The following PFAS variants were observed in gnomAD, a reference collection of about 807,000 sequenced individuals.
PFAS encodes the protein FGAM synthase.
PFAS carries 97 observed loss-of-function variants against 140.6 expected under a neutral mutation model. The ratio of observed to expected loss-of-function variants is 0.69; its 90% CI spans 0.59 to 0.82. PFAS has a LOEUF of 0.82. PFAS is among the 40% of genes least tolerant of loss of function. The probability of loss-of-function intolerance (pLI) is 0.00; values close to 1 mark genes in which losing one functional copy is unlikely to be tolerated. For missense variants in PFAS, 1,656 were observed against 1,780.2 expected, an observed-to-expected ratio of 0.93 and a Z score of 1.26; for synonymous variants, 679 against 718.8, an observed-to-expected ratio of 0.94 and a Z score of 0.88.
At chr17:8,253,481 G>A (rs183097027) in intron 1 of PFAS, among the ~76,000 whole-genome samples, 6 of 152,204 alleles carry the variant, frequency 3.9e-5, no homozygotes, top group South Asian at 2.1e-4. Context: ...CCATAACGCC[G>A]CAATTTTCCT....
Position 8,263,085 on chromosome 17 carries a change from GAGCTATGCCATAT to G in PFAS, c.1411-22_1411-10del, listed in dbSNP as rs1989660276. The stretch of plus-strand genomic sequence containing the variant: ...TAGGAGCTTCCAGTCTCGCTGAGCT[GAGCTATGCCATAT>G]ATGCCCCCAGGTGCAGGGAGATAAC... On this transcript the variant is annotated splice_polypyrimidine_tract_variant and intron_variant, in intron 12 of 27. Coordinates refer to ENST00000314666, the MANE Select transcript of PFAS (RefSeq NM_012393.3). The G allele has an allele frequency of 1.9e-6, 3 of 1,613,486 alleles. No homozygotes were observed. Among genetic ancestry groups the G allele is most frequent in the African/African-American group, 1.3e-5 (1 of 74,932 alleles).
Position 8,267,852 on chromosome 17 carries a change from GTA to G in PFAS, c.3382+196_3382+197del, listed in dbSNP as rs1001727047. On this transcript the variant is annotated intron_variant, in intron 26 of 27. Coordinates refer to ENST00000314666, the MANE Select transcript of PFAS (RefSeq NM_012393.3). The surrounding 1 kb of genome is among the most constrained non-coding windows in gnomAD (Gnocchi z 4.9). The stretch of plus-strand genomic sequence containing the variant: ...TTTTTAATTTTTTCATTGAAAAAAA[GTA>G]TATATATACACATATGTAATTAAAA... 2.7e-5 allele frequency among the ~76,000 whole-genome samples: 4 copies of G among 146,282 alleles called. No individual in the cohort carries two copies. Among genetic ancestry groups the G allele is most frequent in the Middle Eastern group, 3.6e-3 (1 of 280 alleles).
At chr17:8,256,026 C>T in intron 6 of PFAS, 116 bp downstream of exon 6, 2 of 869,932 alleles carry the variant, frequency 2.3e-6, no homozygotes, top group Non-Finnish European at 3.6e-6. Context: ...CTCTGAGGGC[C>T]TGGGCTCCCG....
intron 1 of PFAS, among the ~76,000 whole-genome samples, chr17:8,253,402 A>G (rs959529814): frequency 3.3e-5 from 5 of 152,074 alleles, no homozygotes; most frequent in Non-Finnish European, 5.9e-5. Flanking sequence ...ATTCCTTAAA[A>G]TCTCCAAGGT....
At chr17:8,256,472 G>T (rs1989369891) in intron 7 of PFAS, 52 bp from the exon 8 acceptor site, 2 of 1,613,852 alleles carry the variant, frequency 1.2e-6, no homozygotes, top group South Asian at 1.1e-5. Flanking sequence ...CCCTGGTTGG[G>T]TTAGTGTAGG....
chr17:8,265,508 G>A (rs1989778241), intron 19 of PFAS, 40 bp downstream of exon 19: 1 of 1,613,010 alleles, frequency 6.2e-7, no homozygotes, highest in African/African-American at 1.3e-5. Flanking sequence ...GAGGAACTAT[G>A]GAGCTGGGTT....
chr17:8,257,566 A>C (rs866575191), intron 9 of PFAS, among the ~76,000 whole-genome samples: 6 of 152,040 alleles, frequency 3.9e-5, no homozygotes, highest in Non-Finnish European at 5.9e-5. Context: ...AAAAAAAAAA[A>C]CAGAAAGCCT....
At chr17:8,248,244 G>GT, upstream of PFAS, 1 of 572,914 alleles carries the variant, frequency 1.7e-6, no homozygotes, top group Non-Finnish European at 3.1e-6. Context: ...TCTTTTCTCT[G>GT]ATTTTTTTTT....
chr17:8,267,198 C>G lies in PFAS; in HGVS notation c.3138C>G (p.Pro1046=), dbSNP rs765335620. ...GGATGGGGCCCAGCTATTGCCTGCCCCCCACCTTTCCCAAAGCCTCCGTGC... is the reference window on the plus strand; with the variant it reads ...GGATGGGGCCCAGCTATTGCCTGCCGCCCACCTTTCCCAAAGCCTCCGTGC... ...RERMGPSYCL[P]PTFPKASVPR... is the part of the protein sequence containing the mutation. Residue 1046 remains proline, a synonymous_variant, in exon 24 of 28, where the codon CCC becomes CCG. Coordinates refer to ENST00000314666, the MANE Select transcript of PFAS (RefSeq NM_012393.3). The surrounding 1 kb of genome is among the most constrained non-coding windows in gnomAD (Gnocchi z 4.9). 1.2e-6 allele frequency: 2 copies of G among 1,606,274 alleles called. No individual in the cohort carries two copies. The highest frequency in any genetic ancestry group is 1.7e-5 in the Admixed American group (1 of 58,664).
chr17:8,263,776 T>G lies in PFAS; in HGVS notation c.1631T>G (p.Leu544Arg), dbSNP rs762185572. Reference sequence around the variant, plus strand: ...TTCCTCCCCGCCGTGGCTGTGCAGCTTGGGGACCCAACCCTGAATGCCCTG... The same window carrying G: ...TTCCTCCCCGCCGTGGCTGTGCAGCGTGGGGACCCAACCCTGAATGCCCTG... Reference protein sequence around the residue: ...GAIIYTSRFQLGDPTLNALEI... With the variant: ...GAIIYTSRFQRGDPTLNALEI... Residue 544 changes from leucine to arginine, a missense_variant and splice_region_variant, in exon 15 of 28, where the codon CTT (leucine) becomes CGT (arginine). Coordinates refer to ENST00000314666, the MANE Select transcript of PFAS (RefSeq NM_012393.3). 5 of 1,613,232 alleles carry G rather than the reference T, an allele frequency of 3.1e-6. No individual in the cohort carries two copies. The Admixed American group carries it at 8.3e-5, about 27-fold the overall frequency.
At position 8,254,305 on chromosome 17, in the gene PFAS, A is replaced by G. The variant is rs754756630; in HGVS notation, c.278+4A>G. On this transcript the variant is annotated splice_donor_region_variant and intron_variant, in intron 3 of 27. Transcript: ENST00000314666. ...TGCTGCTGGAGGTCGGGCCCAGGTA[A>G]GTATCTCATCCTGCCCACCCCTTTC... The G allele has an allele frequency of 3.1e-6, 5 of 1,613,884 alleles. No individual in the cohort carries two copies. In the South Asian group the frequency reaches 5.5e-5, roughly 18 times the overall value.
In PFAS at chr17:8,269,179, C is replaced by G; in HGVS notation, c.3932C>G (p.Pro1311Arg). ...AVRPWQWAWRPPPFDTLTTSP... is the reference protein window; with the variant it reads ...AVRPWQWAWRRPPFDTLTTSP... ...AGGCCTTGGCAGTGGGCATGGCGAC[C>G]CCCTCCATTTGATACTCTGACCACC... is the stretch of plus-strand genomic sequence containing the variant. The change falls in exon 28 of 28, where the codon CCC (proline) becomes CGC (arginine). Residue 1311 changes from proline (P) to arginine (R), a missense_variant. Physicochemically the swap from Pro to Arg is moderately radical, Grantham distance 103. Transcript: ENST00000314666. The G allele has an allele frequency of 6.2e-7, 1 of 1,613,684 alleles. No homozygotes were observed. The highest frequency in any genetic ancestry group is 8.5e-7 in the Non-Finnish European group (1 of 1,179,936).
At chr17:8,261,550 C>T (rs1457163488) in intron 11 of PFAS, among the ~76,000 whole-genome samples, 3 of 151,828 alleles carry the variant, frequency 2.0e-5, no homozygotes, top group African/African-American at 4.8e-5. Context: ...AGCATGTTTT[C>T]GTATGCTAGT....
intron 11 of PFAS, among the ~76,000 whole-genome samples, chr17:8,260,086 GTGAGACTCTGTC>G (rs1387989568): frequency 6.6e-6 from 1 of 150,622 alleles, no homozygotes; most frequent in Non-Finnish European, 1.5e-5. Context: ...GGACGTAAGA[GTGAGACTCTGTC>G]TCAAAAAAAA....
rs1191537726 is a variant in PFAS, at chr17:8,264,901, C to A, written c.2056C>A (p.Arg686Ser). 1 of 1,574,916 alleles carries A rather than the reference C, an allele frequency of 6.3e-7. No individual in the cohort carries two copies. The highest frequency in any genetic ancestry group is 8.6e-7 in the Non-Finnish European group (1 of 1,156,306). The change falls in exon 18 of 28, where the codon CGC becomes AGC. Residue 686 changes from arginine to serine, a missense_variant. By Grantham distance (110) the Arg-to-Ser change is moderately radical. Coordinates refer to ENST00000314666, the MANE Select transcript of PFAS (RefSeq NM_012393.3). ...SKRYLTNKVD[R>S]SVGGLVAQQQ... is the part of the protein sequence containing the mutation. ...ACCCCACCTGGTTCCACAGGTGGAC[C>A]GCTCTGTGGGAGGCCTGGTGGCCCA...
intron 1 of PFAS, among the ~76,000 whole-genome samples, chr17:8,252,344 A>C (rs76727513): frequency 0.1 from 15,588 of 152,230 alleles, 1,328 homozygotes; most frequent in East Asian, 0.3. Flanking sequence ...ATGACATGAT[A>C]TCATCAAGCA....
At position 8,255,670 on chromosome 17, in the gene PFAS, GAGA is replaced by G. The variant is rs752994490; in HGVS notation, c.556_558del (p.Lys186del). ...ACTGGGTGAGGGCCGGCTTGCGCTGGAGAAGGCCAACCAGGAGCTTGGTGAGTA... is the reference window on the plus strand; with the variant it reads ...ACTGGGTGAGGGCCGGCTTGCGCTGGAGGCCAACCAGGAGCTTGGTGAGTA... On this transcript the variant is annotated inframe_deletion, in exon 5 of 28. Transcript: ENST00000314666. The G allele has an allele frequency of 6.3e-7, 1 of 1,583,664 alleles. No individual in the cohort carries two copies. Among genetic ancestry groups the G allele is most frequent in the South Asian group, 1.2e-5 (1 of 85,634 alleles).
In PFAS at chr17:8,255,884, G is replaced by A; in HGVS notation, c.654G>A (p.Glu218=). 1 of 1,613,910 alleles carries A rather than the reference G, an allele frequency of 6.2e-7. No individual in the cohort carries two copies. The highest frequency in any genetic ancestry group is 8.5e-7 in the Non-Finnish European group (1 of 1,179,804). ...QELQRNPSTV[E]AFDLAQSNSE... ...TACAGCGGAACCCGAGCACTGTGGA[G>A]GCCTTTGACTTGGCGCAGTCCAATA... Residue 218 remains glutamate, a synonymous_variant, in exon 6 of 28, where the codon GAG becomes GAA. Coordinates refer to ENST00000314666, the MANE Select transcript of PFAS (RefSeq NM_012393.3).
chr17:8,257,802 C>T lies in PFAS; in HGVS notation c.1076-5C>T, dbSNP rs758017178. 3 of 1,613,886 alleles carry T rather than the reference C, an allele frequency of 1.9e-6. No individual in the cohort carries two copies. Among genetic ancestry groups the T allele is most frequent in the Non-Finnish European group, 2.5e-6 (3 of 1,179,782 alleles). ...TTCATCCAGTTCTCTCTCCTTCCCT[C>T]CCAGGTTACAATCTGCCCTGGGAGG... On this transcript the variant is annotated splice_polypyrimidine_tract_variant and splice_region_variant and intron_variant, in intron 9 of 27. Coordinates refer to ENST00000314666, the MANE Select transcript of PFAS (RefSeq NM_012393.3).
Sources: gnomAD v4.1 joint callset for allele counts (sites outside exome capture counted in the v4.1 genomes callset) on GRCh38, gnomAD v4.1.1 for gene constraint, Gnocchi (gnomAD v3.1) non-coding constraint, MANE v1.5 for transcripts, NCBI Gene and HGNC (gene_info 2026-07-23, HGNC 2026-07-21) for gene names.